The following UNC13C variants were observed in gnomAD, a reference collection of about 807,000 sequenced individuals.
The protein encoded by UNC13C is unc-13 homolog C, also known as protein unc-13 homolog C.
In UNC13C, 174 loss-of-function variants were observed where a neutral mutation model predicts 245.4. That is an observed-to-expected ratio of 0.71 (90% CI 0.63 to 0.80). The LOEUF (loss-of-function observed/expected upper bound fraction) is 0.80. UNC13C is among the 30% of genes least tolerant of loss of function. UNC13C has a pLI of 0.00. For missense variants in UNC13C, 2,829 were observed against 2,602.9 expected (o/e 1.09, Z -1.89); for synonymous variants, 992 against 895.1 (o/e 1.11, Z -1.93).
At chr15:54,244,773 A>G (rs1232377506) in intron 7 of UNC13C, among the ~76,000 whole-genome samples, 7 of 151,960 alleles carry the variant, frequency 4.6e-5, no homozygotes, top group African/African-American at 1.7e-4. Context: ...CTCTCTGCCT[A>G]CCTGTTGTTT....
chr15:54,235,915 A>G (rs557056248), intron 5 of UNC13C, among the ~76,000 whole-genome samples: 19 of 152,196 alleles, frequency 1.2e-4, no homozygotes, highest in African/African-American at 4.6e-4. Context: ...TAACATCATT[A>G]TTACTTCTGA....
At chr15:54,075,208 G>A (rs769393303) in intron 2 of UNC13C, among the ~76,000 whole-genome samples, 2 of 152,090 alleles carry the variant, frequency 1.3e-5, no homozygotes, top group Non-Finnish European at 2.9e-5. Context: ...ATCCAAGGCC[G>A]GGCGCGGTGG....
chr15:54,582,666 G>A (rs1898253938), intron 30 of UNC13C, among the ~76,000 whole-genome samples: 1 of 152,116 alleles, frequency 6.6e-6, no homozygotes, highest in South Asian at 2.1e-4. Flanking sequence ...CTCTGCAGAA[G>A]GGACGTGTTT....
At chr15:53,890,632 A>G in the UNC13C span, among the ~76,000 whole-genome samples, 1 of 151,844 alleles carries the variant, frequency 6.6e-6, no homozygotes, top group Non-Finnish European at 1.5e-5. Context: ...TTTCTTCTAG[A>G]TTTTCTAGTT....
Position 53,978,534 on chromosome 15 carries a change from G to A in UNC13C, c.-650G>A, listed in dbSNP as rs1348151300. 6.6e-6 allele frequency among the ~76,000 whole-genome samples: 1 copy of A among 152,174 alleles called. No homozygotes were observed. The highest frequency in any genetic ancestry group is 1.5e-5 in the Non-Finnish European group (1 of 68,026). On this transcript the variant is annotated 5_prime_UTR_variant, in exon 1 of 33. Transcript: ENST00000260323. ...CCCTCAAATGTTGATGAGCCTGGGCGCTCCTCAACACACGGGAGAGATCCC... is the reference window on the plus strand; with the variant it reads ...CCCTCAAATGTTGATGAGCCTGGGCACTCCTCAACACACGGGAGAGATCCC...
intron 19 of UNC13C, among the ~76,000 whole-genome samples, chr15:54,447,620 C>A (rs1890892673): frequency 6.6e-6 from 1 of 152,044 alleles, no homozygotes; most frequent in African/African-American, 2.4e-5. Context: ...ATGGTGATAT[C>A]CCCTTTATCA....
the UNC13C span, among the ~76,000 whole-genome samples, chr15:53,926,583 G>A: frequency 1.3e-5 from 2 of 152,162 alleles, no homozygotes; most frequent in African/African-American, 2.4e-5. Flanking sequence ...AAGGATACAG[G>A]ACACAGTCAC....
chr15:53,902,290 T>C, the UNC13C span, among the ~76,000 whole-genome samples: 1 of 152,096 alleles, frequency 6.6e-6, no homozygotes, highest in African/African-American at 2.4e-5. Context: ...TAGGTATACC[T>C]TCCTAGATAC....
chr15:54,354,350 A>G (rs2039047833), intron 17 of UNC13C, among the ~76,000 whole-genome samples: 1 of 152,220 alleles, frequency 6.6e-6, no homozygotes, highest in Non-Finnish European at 1.5e-5. Context: ...AGTTTGTGCT[A>G]TAACACCATG....
the UNC13C span, among the ~76,000 whole-genome samples, chr15:53,909,208 A>G: frequency 1.4e-5 from 2 of 146,726 alleles, no homozygotes; most frequent in African/African-American, 4.9e-5. Flanking sequence ...AATGCCCAAC[A>G]TATATGAGTT....
At chr15:53,976,477 C>CTTTTTATTTTTTTTTTTTTTTT (rs1893706264), upstream of UNC13C, among the ~76,000 whole-genome samples, 1 of 63,024 alleles carries the variant, frequency 1.6e-5, no homozygotes, top group Non-Finnish European at 2.8e-5. Flanking sequence ...CTCTCTCTCT[C>CTTTTTATTTTTTTTTTTTTTTT]TTTTTTTTTT....
At chr15:54,318,291 A>G (rs2038061361) in intron 13 of UNC13C, among the ~76,000 whole-genome samples, 1 of 151,832 alleles carries the variant, frequency 6.6e-6, no homozygotes, top group African/African-American at 2.4e-5. Flanking sequence ...AGTTTTTTGA[A>G]GAACCACCAT....
rs146831507 is a variant in UNC13C, at chr15:54,519,681, A to T, written c.5458-5868A>T. On this transcript the variant is annotated intron_variant, in intron 24 of 32. Transcript: ENST00000260323. ...TAAGTTCTTGGAGTTTCTCCTTAAGAGGCATTTTAAAACGAAACAAAAAAC... is the reference window on the plus strand; with the variant it reads ...TAAGTTCTTGGAGTTTCTCCTTAAGTGGCATTTTAAAACGAAACAAAAAAC... 2.2e-3 allele frequency among the ~76,000 whole-genome samples: 328 copies of T among 152,296 alleles called. 2 individuals are homozygous for T. The highest frequency in any genetic ancestry group is 7.3e-3 in the African/African-American group (303 of 41,570).
At chr15:53,921,528 A>G in the UNC13C span, among the ~76,000 whole-genome samples, 2 of 152,242 alleles carry the variant, frequency 1.3e-5, no homozygotes, top group Admixed American at 6.5e-5. Context: ...AAGGAAGTCA[A>G]ATTGCGTAAG....
intron 4 of UNC13C, among the ~76,000 whole-genome samples, chr15:54,187,184 T>G (rs2034020593): frequency 6.6e-6 from 1 of 152,108 alleles, no homozygotes; most frequent in Non-Finnish European, 1.5e-5. Context: ...ATCAAAATTA[T>G]AATGTTTAAT....
At chr15:54,129,014 T>G (rs947850622) in intron 2 of UNC13C, among the ~76,000 whole-genome samples, 1 of 152,188 alleles carries the variant, frequency 6.6e-6, no homozygotes, top group Non-Finnish European at 1.5e-5. Context: ...CACTGCTGCT[T>G]CTTTTGGGTG....
At chr15:54,284,728 AT>A (rs755162608) in intron 10 of UNC13C, among the ~76,000 whole-genome samples, 54 of 152,304 alleles carry the variant, frequency 3.5e-4, no homozygotes, top group African/African-American at 1.2e-3. Context: ...TCGTAGCAAA[AT>A]GAACACGGGG....
At chr15:54,202,125 C>A (rs1454728836) in intron 4 of UNC13C, among the ~76,000 whole-genome samples, 1 of 151,766 alleles carries the variant, frequency 6.6e-6, no homozygotes, top group Non-Finnish European at 1.5e-5. Context: ...AGGTGAAAGA[C>A]CTCTGCAAGA....
intron 4 of UNC13C, among the ~76,000 whole-genome samples, chr15:54,232,181 AG>A (rs1028241228): frequency 9.9e-5 from 15 of 152,250 alleles, no homozygotes; most frequent in African/African-American, 3.4e-4. Flanking sequence ...AAAATATAAA[AG>A]TATAAGGAAA....
Sources: allele counts gnomAD v4.1 joint callset (sites outside exome capture counted in the v4.1 genomes callset), GRCh38; gene constraint gnomAD v4.1.1; transcripts MANE v1.5; gene names NCBI Gene and HGNC (gene_info 2026-07-23, HGNC 2026-07-21).